The following LPP variants were observed in gnomAD, a reference collection of about 807,000 sequenced individuals.
LPP encodes the protein LIM domain containing preferred translocation partner in lipoma, also known as lipoma-preferred partner.
Under a neutral mutation model 60.4 loss-of-function variants are expected in LPP, and 38 were observed. The ratio of observed to expected loss-of-function variants is 0.63; its 90% CI spans 0.49 to 0.83. LPP has a LOEUF of 0.83. Ranked by LOEUF, LPP falls within the 40% of genes least tolerant of loss-of-function variation. The probability of loss-of-function intolerance (pLI) is 0.00; values close to 1 mark genes in which losing one functional copy is unlikely to be tolerated. For missense variants in LPP, 902 were observed against 783.6 expected, an observed-to-expected ratio of 1.15 and a Z score of -1.80; for synonymous variants, 328 against 290.8, an observed-to-expected ratio of 1.13 and a Z score of -1.30.
intron 2 of LPP, among the ~76,000 whole-genome samples, chr3:188,323,725 G>A (rs1757581847): frequency 6.6e-6 from 1 of 152,254 alleles, no homozygotes; most frequent in South Asian, 2.1e-4. Context: ...AGATTTGCCA[G>A]TTGTGATCTT....
At chr3:188,545,625 G>C (rs1453907359) in intron 6 of LPP, among the ~76,000 whole-genome samples, 1 of 152,104 alleles carries the variant, frequency 6.6e-6, no homozygotes, top group East Asian at 1.9e-4. Flanking sequence ...CTGGCAGTTT[G>C]GTGTTAGAAG....
intron 1 of LPP, among the ~76,000 whole-genome samples, chr3:188,203,932 A>G (rs1263667868): frequency 6.6e-6 from 1 of 152,144 alleles, no homozygotes; most frequent in Admixed American, 6.6e-5. Flanking sequence ...GCATTTAAAA[A>G]GAGGAGCTGT....
chr3:188,527,335 G>A (rs1820889624), intron 6 of LPP, among the ~76,000 whole-genome samples: 1 of 131,908 alleles, frequency 7.6e-6, no homozygotes, highest in Admixed American at 8.4e-5. Flanking sequence ...GGGGACAGAG[G>A]GAGACTCCAT....
intron 4 of LPP, among the ~76,000 whole-genome samples, chr3:188,437,851 T>C (rs958873106): frequency 2.0e-5 from 3 of 152,188 alleles, no homozygotes; most frequent in Admixed American, 2.0e-4. Flanking sequence ...ATTGGGAGCA[T>C]GCTATTACTA....
intron 4 of LPP, among the ~76,000 whole-genome samples, chr3:188,465,329 G>A (rs865931912): frequency 5.9e-5 from 9 of 152,206 alleles, no homozygotes; most frequent in South Asian, 4.1e-4. Context: ...GAGAAATTCC[G>A]CAATGAGTAA....
At chr3:188,721,910 A>G (rs547852197) in intron 8 of LPP, among the ~76,000 whole-genome samples, 2 of 152,252 alleles carry the variant, frequency 1.3e-5, no homozygotes, top group East Asian at 3.9e-4. Flanking sequence ...ATTAGAACAC[A>G]TGAACTATTG....
At chr3:188,291,467 A>G (rs1407204920) in intron 2 of LPP, among the ~76,000 whole-genome samples, 1 of 151,676 alleles carries the variant, frequency 6.6e-6, no homozygotes, top group East Asian at 1.9e-4. Context: ...GTGAAACCCC[A>G]TCTCTACTAA....
chr3:188,781,100 A>G (rs530447331), intron 9 of LPP, among the ~76,000 whole-genome samples: 1 of 152,334 alleles, frequency 6.6e-6, no homozygotes, highest in African/African-American at 2.4e-5. Flanking sequence ...AGAAATAAAG[A>G]GGGTTTCCAG....
At chr3:188,633,222 G>A (rs1338711782) in intron 7 of LPP, among the ~76,000 whole-genome samples, 2 of 152,186 alleles carry the variant, frequency 1.3e-5, no homozygotes, top group Admixed American at 6.5e-5. Flanking sequence ...ACATATGCTG[G>A]TAGCACACAG....
chr3:188,834,417 A>G (rs1757904115), intron 9 of LPP, among the ~76,000 whole-genome samples: 1 of 128,744 alleles, frequency 7.8e-6, no homozygotes, highest in Non-Finnish European at 1.5e-5. Context: ...ATTTGATGCT[A>G]GTGTGAACTC....
intron 9 of LPP, among the ~76,000 whole-genome samples, chr3:188,821,664 T>G (rs975148051): frequency 1.3e-5 from 2 of 151,986 alleles, no homozygotes; most frequent in Non-Finnish European, 2.9e-5. Flanking sequence ...ATATTTATGC[T>G]TATATATATA....
chr3:188,204,830 T>A (rs948841126), intron 1 of LPP, among the ~76,000 whole-genome samples: 1 of 152,208 alleles, frequency 6.6e-6, no homozygotes, highest in Admixed American at 6.5e-5. Flanking sequence ...GTGTCACTCT[T>A]GGAAGTGTAA....
intron 1 of LPP, among the ~76,000 whole-genome samples, chr3:188,159,007 A>C (rs1717358898): frequency 1.3e-5 from 2 of 152,100 alleles, no homozygotes; most frequent in South Asian, 4.1e-4. Flanking sequence ...TCTCTCCCCA[A>C]ACCTAACTGG....
intron 7 of LPP, among the ~76,000 whole-genome samples, chr3:188,615,114 C>G (rs1844598955): frequency 1.3e-5 from 2 of 152,158 alleles, no homozygotes; most frequent in Admixed American, 1.3e-4. Flanking sequence ...TCTATGGTAC[C>G]TTATCATTAA....
rs143720646 is a variant in LPP, at chr3:188,772,378, T to C, written c.1410+12096T>C. On this transcript the variant is annotated intron_variant, in intron 9 of 11. Coordinates refer to ENST00000617246, the MANE Select transcript of LPP (RefSeq NM_001375462.1). ...TTTCATTTCCACATCTCTCATAGGA[T>C]TGATCCTCACCACAACTGGTATTAT... is the stretch of plus-strand genomic sequence containing the variant. Among the ~76,000 whole-genome samples the C allele has an allele frequency of 5.5e-3, 844 of 152,194 alleles. 6 individuals carry two copies. The highest frequency in any genetic ancestry group is 0.015 in the Admixed American group (226 of 15,250).
At chr3:188,289,776 A>G (rs1255780676) in intron 2 of LPP, among the ~76,000 whole-genome samples, 1 of 152,234 alleles carries the variant, frequency 6.6e-6, no homozygotes, top group African/African-American at 2.4e-5. Flanking sequence ...ACTTGAAATC[A>G]GACAGGTGTT....
At chr3:188,411,233 C>A (rs114639749) in intron 4 of LPP, among the ~76,000 whole-genome samples, 2 of 152,054 alleles carry the variant, frequency 1.3e-5, no homozygotes, top group Non-Finnish European at 2.9e-5. Flanking sequence ...CACCTTACTC[C>A]TGCAAGAATA....
intron 7 of LPP, among the ~76,000 whole-genome samples, chr3:188,687,837 C>G (rs997048218): frequency 2.0e-5 from 3 of 147,618 alleles, no homozygotes; most frequent in Non-Finnish European, 3.0e-5. Flanking sequence ...TGCAGTGGCA[C>G]GATCTCGGCT....
chr3:188,420,863 A>G (rs1168973996), intron 4 of LPP, among the ~76,000 whole-genome samples: 1 of 152,216 alleles, frequency 6.6e-6, no homozygotes, highest in East Asian at 1.9e-4. Context: ...GTACACAATT[A>G]TATCATGATA....
Sources: gnomAD v4.1 joint callset for allele counts (sites outside exome capture counted in the v4.1 genomes callset) on GRCh38, gnomAD v4.1.1 for gene constraint, MANE v1.5 for transcripts, NCBI Gene and HGNC (gene_info 2026-07-23, HGNC 2026-07-21) for gene names.